Variants in SPATA45 observed in about 807,000 individuals in gnomAD.
SPATA45 encodes spermatogenesis associated 45, also known as spermatogenesis-associated protein 45.
SPATA45 carries 5 observed loss-of-function variants against 7.0 expected under a neutral mutation model. The ratio of observed to expected loss-of-function variants is 0.71; its 90% CI spans 0.37 to 1.50. SPATA45 has a LOEUF of 1.50. Ranked by LOEUF, SPATA45 falls within the 40% of genes most tolerant of loss-of-function variation. The pLI, the probability that SPATA45 is intolerant of heterozygous loss-of-function variation, is 0.03. For missense variants in SPATA45, 111 were observed against 114.9 expected (o/e 0.97, Z 0.16); for synonymous variants, 40 against 38.7 (o/e 1.03, Z -0.13).
intron 1 of SPATA45, among the ~76,000 whole-genome samples, chr1:212,845,510 C>A (rs942499084): frequency 3.9e-5 from 6 of 152,170 alleles, no homozygotes; most frequent in African/African-American, 1.4e-4. Flanking sequence ...TGATAATGGA[C>A]CGGCCTTTAT....
intron 1 of SPATA45, among the ~76,000 whole-genome samples, chr1:212,846,595 C>T (rs1663798546): frequency 3.3e-5 from 5 of 152,210 alleles, no homozygotes; most frequent in Admixed American, 3.3e-4. Context: ...ATTCTCCCCC[C>T]TCCACTTAAG....
In SPATA45 at chr1:212,838,244, C is replaced by T. The variant is rs539933148; in HGVS notation, c.-38-2057G>A. Among the ~76,000 whole-genome samples the T allele has an allele frequency of 2.7e-4, 41 of 149,558 alleles. 1 individual carries two copies. In the South Asian group the frequency reaches 7.3e-3, roughly 27 times the overall value. ...TGTTTGAACCTGGGAGGCGAGGTTG[C>T]GGTGAGTCAAGATCATAGCACTACA... On this transcript the variant is annotated intron_variant, in intron 1 of 2. Transcript: ENST00000332912.
At chr1:212,847,000 C>T (rs557073986) in intron 1 of SPATA45, among the ~76,000 whole-genome samples, 9 of 151,974 alleles carry the variant, frequency 5.9e-5, no homozygotes, top group South Asian at 4.2e-4. Flanking sequence ...CAGGTGATCC[C>T]CCCACCTCAC....
intron 1 of SPATA45, among the ~76,000 whole-genome samples, chr1:212,844,454 T>A (rs980672439): frequency 3.9e-5 from 6 of 152,180 alleles, no homozygotes; most frequent in African/African-American, 1.4e-4. Flanking sequence ...CATGACGCTA[T>A]CTCTCTGATC....
intron 1 of SPATA45, among the ~76,000 whole-genome samples, chr1:212,845,167 A>C (rs1287791907): frequency 3.9e-5 from 6 of 152,222 alleles, no homozygotes; most frequent in African/African-American, 1.4e-4. Flanking sequence ...CCCGTCTCTT[A>C]GAACCTCTCA....
chr1:212,837,804 A>G (rs1663615191), intron 1 of SPATA45, among the ~76,000 whole-genome samples: 1 of 151,832 alleles, frequency 6.6e-6, no homozygotes, highest in South Asian at 2.1e-4. Flanking sequence ...TTGGAAAGAT[A>G]GCGAAATATT....
intron 1 of SPATA45, 126 bp from the exon 2 acceptor site, chr1:212,836,313 C>G: frequency 1.4e-6 from 1 of 696,518 alleles, no homozygotes; most frequent in Non-Finnish European, 2.4e-6. Context: ...CCAAGCCTCC[C>G]ACCCCACGCT....
At chr1:212,832,110 C>A (rs1477935696) in intron 2 of SPATA45, among the ~76,000 whole-genome samples, 1 of 147,882 alleles carries the variant, frequency 6.8e-6, no homozygotes, top group Non-Finnish European at 1.5e-5. Context: ...CCTCCTCCTC[C>A]CGGATTCCAG....
intron 1 of SPATA45, among the ~76,000 whole-genome samples, chr1:212,841,627 CTTTCT>C (rs1663685443): frequency 9.2e-6 from 1 of 109,224 alleles, no homozygotes; most frequent in African/African-American, 3.6e-5. Context: ...GAAGAGGTAT[CTTTCT>C]TTTTTTTTTT....
At chr1:212,843,182 C>T (rs2102514081) in intron 1 of SPATA45, among the ~76,000 whole-genome samples, 2 of 149,568 alleles carry the variant, frequency 1.3e-5, no homozygotes, top group Admixed American at 6.7e-5. Flanking sequence ...CCCAGCTACT[C>T]TGGAGGCTGA....
intron 1 of SPATA45, among the ~76,000 whole-genome samples, chr1:212,839,964 T>C (rs1663650449): frequency 3.3e-5 from 5 of 151,746 alleles, no homozygotes; most frequent in Admixed American, 3.3e-4. Flanking sequence ...GAATAAATAG[T>C]ATATATTACT....
intron 2 of SPATA45, among the ~76,000 whole-genome samples, chr1:212,834,416 C>A (rs980083924): frequency 6.6e-6 from 1 of 151,256 alleles, no homozygotes; most frequent in Non-Finnish European, 1.5e-5. Context: ...ACCACCATCA[C>A]CACCATGCCA....
intron 1 of SPATA45, among the ~76,000 whole-genome samples, chr1:212,846,838 T>C (rs567845557): frequency 2.0e-5 from 3 of 152,216 alleles, no homozygotes; most frequent in Admixed American, 2.0e-4. Context: ...CCAAAATAGC[T>C]CAGTTGGGAG....
intron 1 of SPATA45, among the ~76,000 whole-genome samples, chr1:212,836,689 C>T (rs1466736643): frequency 6.7e-6 from 1 of 150,196 alleles, no homozygotes; most frequent in Non-Finnish European, 1.5e-5. Context: ...CACTCTGTTG[C>T]CAAGGCTGGA....
chr1:212,841,677 C>T (rs1326132350), intron 1 of SPATA45, among the ~76,000 whole-genome samples: 1 of 135,874 alleles, frequency 7.4e-6, no homozygotes, highest in Non-Finnish European at 1.6e-5. Flanking sequence ...CTCGCTCTGT[C>T]GCCCAGGCTG....
intron 2 of SPATA45, among the ~76,000 whole-genome samples, chr1:212,834,850 A>C (rs1305308915): frequency 1.3e-5 from 2 of 151,664 alleles, no homozygotes; most frequent in Non-Finnish European, 3.0e-5. Flanking sequence ...AGGCCAGAGA[A>C]ATTGACGAGA....
chr1:212,831,598 C>T (rs1393631996), intron 2 of SPATA45, among the ~76,000 whole-genome samples: 1 of 151,410 alleles, frequency 6.6e-6, no homozygotes, highest in Non-Finnish European at 1.5e-5. Context: ...TTGGGCTCCA[C>T]ATCTCCAAGT....
At chr1:212,842,859 C>T (rs1309283746) in intron 1 of SPATA45, among the ~76,000 whole-genome samples, 1 of 151,054 alleles carries the variant, frequency 6.6e-6, no homozygotes, top group African/African-American at 2.4e-5. Context: ...GAGGCCGAGG[C>T]AGGCGGATCA....
chr1:212,836,921 T>G (rs1314628977), intron 1 of SPATA45, among the ~76,000 whole-genome samples: 1 of 151,016 alleles, frequency 6.6e-6, no homozygotes, highest in Non-Finnish European at 1.5e-5. Flanking sequence ...CCTCCCAAAG[T>G]GCTGGGATTA....
Sources: gnomAD v4.1 joint callset for allele counts (sites outside exome capture counted in the v4.1 genomes callset) on GRCh38, gnomAD v4.1.1 for gene constraint, MANE v1.5 for transcripts, NCBI Gene and HGNC (gene_info 2026-07-23, HGNC 2026-07-21) for gene names.